PDZD9: variants seen among roughly 807,000 people sequenced by gnomAD.
The protein encoded by PDZD9 is PDZ domain containing 9, also known as PDZ domain-containing protein 9.
In PDZD9, 13 loss-of-function variants were observed where a neutral mutation model predicts 16.3. That is an observed-to-expected ratio of 0.80 (90% CI 0.52 to 1.27). The LOEUF is 1.27. Ranked by LOEUF, PDZD9 falls within the 50% of genes most tolerant of loss-of-function variation. PDZD9 has a pLI of 0.00. For missense variants in PDZD9, 288 were observed against 310.9 expected, an observed-to-expected ratio of 0.93 and a Z score of 0.55; for synonymous variants, 120 against 111.0, an observed-to-expected ratio of 1.08 and a Z score of -0.51.
At chr16:21,968,133 C>G in the PDZD9 span, among the ~76,000 whole-genome samples, 9 of 151,670 alleles carry the variant, frequency 5.9e-5, no homozygotes, top group Non-Finnish European at 1.2e-4. Flanking sequence ...ACCCATGTAG[C>G]TGGGATTACA....
rs183049693 is a variant in PDZD9 at position 21,987,344 on chromosome 16, C to T, written c.401+1258G>A. 2.0e-5 allele frequency among the ~76,000 whole-genome samples: 3 copies of T among 152,128 alleles called. No individual in the cohort carries two copies. In the South Asian group the frequency reaches 6.2e-4, roughly 32 times the overall value. ...CTGAGGCAGGAGAATCACTTGAACC[C>T]GAGAGGCAGAGGTTGCAGTGAGCCA... On this transcript the variant is annotated intron_variant, in intron 3 of 3. Transcript: ENST00000424898.
chr16:21,998,093 C>T (rs893613757), intron 1 of PDZD9, among the ~76,000 whole-genome samples: 3 of 152,194 alleles, frequency 2.0e-5, no homozygotes, highest in Non-Finnish European at 4.4e-5. Flanking sequence ...TCTTCAGAGA[C>T]CTTTCAGGGT....
the PDZD9 span, among the ~76,000 whole-genome samples, chr16:21,969,423 A>G: frequency 1.3e-5 from 2 of 152,110 alleles, no homozygotes; most frequent in African/African-American, 4.8e-5. Flanking sequence ...AATCCCAGCT[A>G]TCGGGGGGCT....
At chr16:21,959,943 A>T in the PDZD9 span, among the ~76,000 whole-genome samples, 2 of 152,210 alleles carry the variant, frequency 1.3e-5, no homozygotes, top group South Asian at 4.1e-4. Flanking sequence ...CTATAAACAG[A>T]TGTACTATCA....
chr16:21,967,900 A>G, the PDZD9 span, among the ~76,000 whole-genome samples: 1 of 152,202 alleles, frequency 6.6e-6, no homozygotes, highest in Non-Finnish European at 1.5e-5. Context: ...TTATATAAAC[A>G]CAAAAGAAAC....
At chr16:21,961,667 T>C in the PDZD9 span, among the ~76,000 whole-genome samples, 1 of 126,028 alleles carries the variant, frequency 7.9e-6, no homozygotes, top group African/African-American at 3.0e-5. Flanking sequence ...TATATATATA[T>C]ATTTTAGACA....
chr16:21,976,095 A>G, the PDZD9 span: 1 of 1,048,532 alleles, frequency 9.5e-7, no homozygotes, highest in Non-Finnish European at 1.5e-6. Context: ...TTGCCTCAGT[A>G]AAGAAGTGTG....
At position 21,991,711 on chromosome 16, in the gene PDZD9, G is replaced by A. The variant is rs1338909708; in HGVS notation, c.212-2920C>T. Among the ~76,000 whole-genome samples, 12 of 152,152 alleles carry A rather than the reference G, an allele frequency of 7.9e-5. 1 individual carries two copies. Among genetic ancestry groups the A allele is most frequent in the Admixed American group, 4.6e-4 (7 of 15,274 alleles). On this transcript the variant is annotated intron_variant, in intron 2 of 3. Coordinates refer to ENST00000424898, the MANE Select transcript of PDZD9 (RefSeq NM_001363519.1). Reference sequence around the variant, plus strand: ...CAGCACATAGATAAAAGATAATGGGGCTGGGAGGAAACGGGGTCAAAGAAA... The same window carrying A: ...CAGCACATAGATAAAAGATAATGGGACTGGGAGGAAACGGGGTCAAAGAAA...
At chr16:21,964,736 C>T in the PDZD9 span, among the ~76,000 whole-genome samples, 1 of 152,202 alleles carries the variant, frequency 6.6e-6, no homozygotes, top group Non-Finnish European at 1.5e-5. Flanking sequence ...GACACACTGC[C>T]GACATTGCAC....
chr16:21,972,033 C>G, the PDZD9 span: 1 of 1,614,184 alleles, frequency 6.2e-7, no homozygotes, highest in Non-Finnish European at 8.5e-7. Flanking sequence ...TCAGCATGTC[C>G]TCGGTGCTGG....
At chr16:21,992,467 T>G (rs1899046566) in intron 2 of PDZD9, among the ~76,000 whole-genome samples, 1 of 152,082 alleles carries the variant, frequency 6.6e-6, no homozygotes, top group Admixed American at 6.6e-5. Flanking sequence ...AACATTTGAG[T>G]CAATGGACTT....
chr16:21,984,156 A>C lies in PDZD9; in HGVS notation c.*111T>G. The stretch of plus-strand genomic sequence containing the variant: ...GGCTTTATAACGCAGTCATAAGAGA[A>C]GAGAATTGGTGAGTCTACAGACAGT... On this transcript the variant is annotated 3_prime_UTR_variant, in exon 4 of 4. Coordinates refer to ENST00000424898, the MANE Select transcript of PDZD9 (RefSeq NM_001363519.1). 1.0e-5 allele frequency: 12 copies of C among 1,180,168 alleles called. No individual in the cohort carries two copies. Among genetic ancestry groups the C allele is most frequent in the Non-Finnish European group, 1.4e-5 (12 of 843,386 alleles). The allele number at this position is 1,180,168 out of a possible 1,614,324, so 73.1% of individuals were successfully genotyped here.
At chr16:21,966,699 AG>A in the PDZD9 span, among the ~76,000 whole-genome samples, 1 of 152,238 alleles carries the variant, frequency 6.6e-6, no homozygotes, top group Non-Finnish European at 1.5e-5. Context: ...CAACTTGAAC[AG>A]GCAGCCGTTT....
chr16:22,000,731 G>T (rs1899273627), intron 1 of PDZD9, among the ~76,000 whole-genome samples: 2 of 152,058 alleles, frequency 1.3e-5, no homozygotes, highest in Non-Finnish European at 2.9e-5. Context: ...GGCTAAGGCA[G>T]AGGAATCACT....
At chr16:21,975,776 A>G in the PDZD9 span, among the ~76,000 whole-genome samples, 1 of 152,154 alleles carries the variant, frequency 6.6e-6, no homozygotes, top group Non-Finnish European at 1.5e-5. Context: ...AAAGGTGCTT[A>G]TTCTTTATGG....
downstream of PDZD9, chr16:21,983,775 ATAAT>A (rs1392428047): frequency 6.5e-6 from 1 of 153,514 alleles, no homozygotes; most frequent in Non-Finnish European, 1.4e-5. Flanking sequence ...TCTCTTCCAA[ATAAT>A]TAACTCTCAA....
chr16:21,996,877 C>T (rs929794564), intron 1 of PDZD9, among the ~76,000 whole-genome samples: 1 of 152,174 alleles, frequency 6.6e-6, no homozygotes, highest in African/African-American at 2.4e-5. Context: ...GGCTGGAGTG[C>T]AGCAGCATTA....
the PDZD9 span, among the ~76,000 whole-genome samples, chr16:21,978,683 A>G: frequency 6.6e-6 from 1 of 152,236 alleles, no homozygotes; most frequent in African/African-American, 2.4e-5. Flanking sequence ...TCGTACTGAC[A>G]GCTTTCCAAA....
At position 21,988,641 on chromosome 16, in the gene PDZD9, A is replaced by G. The variant is rs1567485810; in HGVS notation, c.362T>C (p.Ile121Thr). ...TTTGGCCTCAGGGATTAAATCATAT[A>G]TTTCTTGCCATTCTTCAGGAATGTT... The part of the protein sequence containing the change: ...FINIPEEWQE[I>T]YDLIPEAKFP... Residue 121 changes from isoleucine to threonine, a missense_variant, in exon 3 of 4, where the codon ATA becomes ACA. By Grantham distance (89) the Ile-to-Thr change is moderately conservative. Coordinates refer to ENST00000424898, the MANE Select transcript of PDZD9 (RefSeq NM_001363519.1). 8.1e-6 allele frequency: 13 copies of G among 1,613,150 alleles called. No homozygotes were observed. Among genetic ancestry groups the G allele is most frequent in the Non-Finnish European group, 1.1e-5 (13 of 1,179,536 alleles).
Sources: gnomAD v4.1 joint callset for allele counts (sites outside exome capture counted in the v4.1 genomes callset) on GRCh38, gnomAD v4.1.1 for gene constraint, MANE v1.5 for transcripts, NCBI Gene and HGNC (gene_info 2026-07-23, HGNC 2026-07-21) for gene names.